The following CDH8 variants were observed in gnomAD, a reference collection of about 807,000 sequenced individuals.
CDH8 encodes cadherin 8, also known as cadherin-8.
CDH8 carries 17 observed loss-of-function variants against 68.1 expected under a neutral mutation model. That is an observed-to-expected ratio of 0.25 (90% confidence interval 0.17 to 0.37). The LOEUF (loss-of-function observed/expected upper bound fraction) is 0.37, where lower values mean the gene tolerates loss of function less well. CDH8 is among the 10% of genes least tolerant of loss of function. The probability of loss-of-function intolerance (pLI) is 1.00; values close to 1 mark genes in which losing one functional copy is unlikely to be tolerated. For synonymous variants in CDH8, 372 were observed against 365.1 expected (o/e 1.02, Z -0.21); for missense variants, 763 against 999.3 (o/e 0.76, Z 3.19).
At chr16:61,781,049 G>T (rs1428172929) in intron 8 of CDH8, among the ~76,000 whole-genome samples, 1 of 152,140 alleles carries the variant, frequency 6.6e-6, no homozygotes, top group East Asian at 1.9e-4. Flanking sequence ...TTGTTTCTTG[G>T]CCAAAATGCA....
At chr16:61,860,945 G>A (rs1567504236) in intron 3 of CDH8, among the ~76,000 whole-genome samples, 1 of 152,144 alleles carries the variant, frequency 6.6e-6, no homozygotes, top group Non-Finnish European at 1.5e-5. Context: ...CTTCTGAAAC[G>A]CTTATCTGTT....
At chr16:61,880,839 G>A (rs979744764) in intron 3 of CDH8, among the ~76,000 whole-genome samples, 27 of 152,286 alleles carry the variant, frequency 1.8e-4, no homozygotes, top group Middle Eastern at 3.4e-3. Context: ...ACATGATCAC[G>A]TTACATGAGA....
intron 10 of CDH8, among the ~76,000 whole-genome samples, chr16:61,704,173 C>A (rs991223070): frequency 2.0e-5 from 3 of 152,122 alleles, no homozygotes; most frequent in African/African-American, 7.2e-5. Flanking sequence ...ACGCACATAG[C>A]GATGTTTCAT....
Position 61,936,489 on chromosome 16 carries a change from T to C in CDH8, c.253-35016A>G, listed in dbSNP as rs181078169. Among the ~76,000 whole-genome samples, 278 of 152,292 alleles carry C rather than the reference T, an allele frequency of 1.8e-3. 1 individual carries two copies. The highest frequency in any genetic ancestry group is 6.4e-3 in the African/African-American group (265 of 41,566). On this transcript the variant is annotated intron_variant, in intron 2 of 11. Transcript: ENST00000577390. ...TTCTAACAAGATTAAAAAGACAAGA[T>C]TGCTCATAACTCTATCAAGGAAAGG...
At position 61,870,315 on chromosome 16, in the gene CDH8, G is replaced by A. The variant is rs138426540; in HGVS notation, c.548-13077C>T. Among the ~76,000 whole-genome samples, 565 of 152,172 alleles carry A rather than the reference G, an allele frequency of 3.7e-3. 4 individuals are homozygous for A. The highest frequency in any genetic ancestry group is 0.014 in the Middle Eastern group (4 of 294). On this transcript the variant is annotated intron_variant, in intron 3 of 11. Transcript: ENST00000577390. ...ACAATTAATATCTTTACAGCTGTTC[G>A]CCAGGCGGAAAGAAAAATGCGGCAG...
intron 10 of CDH8, among the ~76,000 whole-genome samples, chr16:61,706,591 A>G (rs1365071411): frequency 2.1e-5 from 3 of 139,766 alleles, no homozygotes; most frequent in Non-Finnish European, 4.5e-5. Flanking sequence ...ACCGCACTCC[A>G]GCCTGGGCAC....
At chr16:61,832,790 T>C (rs1427481727) in intron 4 of CDH8, among the ~76,000 whole-genome samples, 7 of 151,742 alleles carry the variant, frequency 4.6e-5, no homozygotes, top group African/African-American at 1.4e-4. Context: ...AAAGAGCCTA[T>C]TGCAAATGAT....
chr16:61,800,554 G>A (rs965681923), intron 7 of CDH8, among the ~76,000 whole-genome samples: 1 of 152,100 alleles, frequency 6.6e-6, no homozygotes, highest in African/African-American at 2.4e-5. Flanking sequence ...ACCCATTAAG[G>A]ACTTTCATAA....
intron 2 of CDH8, among the ~76,000 whole-genome samples, chr16:61,983,694 G>T (rs1283094552): frequency 6.6e-6 from 1 of 151,960 alleles, no homozygotes; most frequent in African/African-American, 2.4e-5. Context: ...GTCTGCTCAG[G>T]TTTCTATAAC....
intron 3 of CDH8, among the ~76,000 whole-genome samples, chr16:61,893,873 T>G (rs1293296622): frequency 6.6e-6 from 1 of 152,168 alleles, no homozygotes; most frequent in African/African-American, 2.4e-5. Flanking sequence ...AAATTTTCCT[T>G]GCAGAAGAAT....
At chr16:61,803,301 G>C (rs1183748978) in intron 7 of CDH8, among the ~76,000 whole-genome samples, 1 of 132,112 alleles carries the variant, frequency 7.6e-6, no homozygotes, top group Non-Finnish European at 1.6e-5. Flanking sequence ...TGCCCTAAAA[G>C]AGCTCCTGAA....
intron 8 of CDH8, among the ~76,000 whole-genome samples, chr16:61,742,674 C>T (rs574794388): frequency 1.3e-5 from 2 of 151,836 alleles, no homozygotes; most frequent in South Asian, 2.1e-4. Context: ...CCTTGTATTC[C>T]CTGAGTGTAA....
At chr16:61,739,294 C>T (rs916920271) in intron 8 of CDH8, among the ~76,000 whole-genome samples, 4 of 152,020 alleles carry the variant, frequency 2.6e-5, no homozygotes, top group Non-Finnish European at 4.4e-5. Flanking sequence ...ATCTAATGTT[C>T]AGATTAAACA....
intron 4 of CDH8, among the ~76,000 whole-genome samples, chr16:61,845,835 C>T (rs1395426444): frequency 2.0e-5 from 3 of 152,026 alleles, no homozygotes; most frequent in East Asian, 3.9e-4. Context: ...TTATTTGAAA[C>T]ATAATACCAG....
chr16:61,883,125 G>T (rs111491125), intron 3 of CDH8, among the ~76,000 whole-genome samples: 26 of 152,162 alleles, frequency 1.7e-4, no homozygotes, highest in African/African-American at 6.0e-4. Context: ...AGGCAGGTAT[G>T]GTTAAGAAAG....
Position 61,857,213 on chromosome 16 carries a change from C to G in CDH8, c.573G>C (p.Ala191=). 6.2e-7 allele frequency: 1 copy of G among 1,612,452 alleles called. No individual in the cohort carries two copies. Among genetic ancestry groups the G allele is most frequent in the South Asian group, 1.1e-5 (1 of 91,010 alleles). Residue 191 remains alanine, a synonymous_variant, in exon 4 of 12, where the codon GCG becomes GCC. Transcript: ENST00000577390. ...CATAAACTGGGTCATCAGCGTCGGT[C>G]GCAGTGACGTTAGTGACAGATGTAC... The part of the protein sequence containing the change: ...ILGTSVTNVT[A]TDADDPVYGN...
chr16:61,819,502 G>A (rs952123798), intron 6 of CDH8, among the ~76,000 whole-genome samples: 4 of 151,934 alleles, frequency 2.6e-5, no homozygotes, highest in African/African-American at 7.2e-5. Flanking sequence ...TTTCAAACAT[G>A]GCTTTTTAAA....
intron 8 of CDH8, among the ~76,000 whole-genome samples, chr16:61,742,505 A>C (rs1384373546): frequency 6.6e-6 from 1 of 152,144 alleles, no homozygotes; most frequent in Admixed American, 6.6e-5. Flanking sequence ...GTTTTATCAA[A>C]TTAAGTCCCC....
intron 10 of CDH8, chr16:61,693,120 C>T (rs1964263514): frequency 6.6e-6 from 1 of 151,972 alleles, no homozygotes; most frequent in Middle Eastern, 3.2e-3. Flanking sequence ...ACAATGGCAA[C>T]AAAAATTACT....
Sources: gnomAD v4.1 joint callset for allele counts (sites outside exome capture counted in the v4.1 genomes callset) on GRCh38, gnomAD v4.1.1 for gene constraint, MANE v1.5 for transcripts, NCBI Gene and HGNC (gene_info 2026-07-23, HGNC 2026-07-21) for gene names.